TTC28: variants seen among roughly 807,000 people sequenced by gnomAD.
TTC28 encodes tetratricopeptide repeat protein 28.
Under a neutral mutation model 198.0 loss-of-function variants are expected in TTC28, and 61 were observed. That is an observed-to-expected ratio of 0.31 (90% confidence interval 0.25 to 0.38). The LOEUF (loss-of-function observed/expected upper bound fraction) is 0.38. TTC28 is among the 10% of genes least tolerant of loss of function. The pLI, the probability that TTC28 is intolerant of heterozygous loss-of-function variation, is 1.00. For synonymous variants in TTC28, 1,171 were observed against 1,297.8 expected, an observed-to-expected ratio of 0.90 and a Z score of 2.10; for missense variants, 2,678 against 3,164.0, an observed-to-expected ratio of 0.85 and a Z score of 3.69.
At position 28,371,598 on chromosome 22, in the gene TTC28, A is replaced by AT. The variant is rs1409625873; in HGVS notation, c.382-64956dup. Among the ~76,000 whole-genome samples, 4 of 27,764 alleles carry AT rather than the reference A, an allele frequency of 1.4e-4. 1 individual carries two copies. Among genetic ancestry groups the AT allele is most frequent in the African/African-American group, 5.7e-4 (4 of 6,978 alleles). 18.2% of individuals were successfully genotyped at this position (27,764 alleles called of 152,430 possible). Reference sequence around the variant, plus strand: ...ATCTTAACCAAAAAAAAAAAAAAAAATTTTTTTTTTTTTTGAGACAGAGTC... The same window carrying AT: ...ATCTTAACCAAAAAAAAAAAAAAAAATTTTTTTTTTTTTTTGAGACAGAGTC... On this transcript the variant is annotated intron_variant, in intron 2 of 22. Transcript: ENST00000397906.
chr22:28,075,293 A>G (rs1941131605), intron 12 of TTC28, among the ~76,000 whole-genome samples: 1 of 152,164 alleles, frequency 6.6e-6, no homozygotes, highest in African/African-American at 2.4e-5. Context: ...TAGAAATTCA[A>G]GAATCAGGGG....
chr22:28,096,669 C>T (rs1477511405), intron 10 of TTC28, among the ~76,000 whole-genome samples: 5 of 152,128 alleles, frequency 3.3e-5, no homozygotes, highest in Admixed American at 6.5e-5. Context: ...AGAGCTGATC[C>T]AATTCAGTGC....
intron 2 of TTC28, among the ~76,000 whole-genome samples, chr22:28,488,193 G>A (rs1301513191): frequency 1.3e-5 from 2 of 152,064 alleles, no homozygotes; most frequent in Non-Finnish European, 2.9e-5. Flanking sequence ...CAGACAGGAG[G>A]TTACTCAAGA....
chr22:28,392,490 G>T (rs2046744207), intron 2 of TTC28, among the ~76,000 whole-genome samples: 1 of 151,890 alleles, frequency 6.6e-6, no homozygotes, highest in Non-Finnish European at 1.5e-5. Context: ...TAGCAATCAG[G>T]GAGACTCCGT....
At chr22:28,358,395 A>G (rs2046109814) in intron 2 of TTC28, among the ~76,000 whole-genome samples, 1 of 152,242 alleles carries the variant, frequency 6.6e-6, no homozygotes, top group Admixed American at 6.5e-5. Flanking sequence ...TCGAGGTAGA[A>G]AAGCCATAAT....
intron 12 of TTC28, among the ~76,000 whole-genome samples, chr22:28,045,019 G>T (rs1939807964): frequency 6.6e-6 from 1 of 152,098 alleles, no homozygotes; most frequent in Non-Finnish European, 1.5e-5. Flanking sequence ...CGATTGGAAG[G>T]CCCCATTACT....
intron 12 of TTC28, among the ~76,000 whole-genome samples, chr22:28,040,817 G>GA (rs1442698272): frequency 6.6e-6 from 1 of 152,206 alleles, no homozygotes; most frequent in Non-Finnish European, 1.5e-5. Flanking sequence ...CAGATGACAT[G>GA]ATTGTATATT....
At chr22:28,376,450 T>C (rs968742251) in intron 2 of TTC28, among the ~76,000 whole-genome samples, 11 of 152,178 alleles carry the variant, frequency 7.2e-5, no homozygotes, top group African/African-American at 2.4e-4. Context: ...TTAAATAACT[T>C]ACTTAAATTC....
intron 2 of TTC28, among the ~76,000 whole-genome samples, chr22:28,584,776 T>C (rs1240802440): frequency 6.6e-6 from 1 of 152,256 alleles, no homozygotes; most frequent in Non-Finnish European, 1.5e-5. Context: ...ACTTATATTT[T>C]AGAAACCTGT....
In TTC28 at chr22:28,087,166, C is replaced by T. The variant is rs546911849; in HGVS notation, c.3932+6914G>A. On this transcript the variant is annotated intron_variant, in intron 12 of 22. Coordinates refer to ENST00000397906, the MANE Select transcript of TTC28 (RefSeq NM_001145418.2). Reference sequence around the variant, plus strand: ...ATCCTCCCTAACTCATTTTATGAGGCCAGCATCATCCTGATACCAAAGCCG... The same window carrying T: ...ATCCTCCCTAACTCATTTTATGAGGTCAGCATCATCCTGATACCAAAGCCG... 5.7e-3 allele frequency among the ~76,000 whole-genome samples: 866 copies of T among 152,202 alleles called. 12 individuals are homozygous for T. The highest frequency in any genetic ancestry group is 0.02 in the African/African-American group (835 of 41,554).
chr22:28,212,259 C>T (rs563472900), intron 5 of TTC28, among the ~76,000 whole-genome samples: 5 of 151,818 alleles, frequency 3.3e-5, no homozygotes, highest in African/African-American at 1.2e-4. Flanking sequence ...TAACAGAAGG[C>T]AAGAAATAAC....
At position 27,982,720 on chromosome 22, in the gene TTC28, GC is replaced by G; in HGVS notation, c.6946del (p.Ala2316LeufsTer27). The G allele has an allele frequency of 6.4e-7, 1 of 1,551,666 alleles. No individual in the cohort carries two copies. The highest frequency in any genetic ancestry group is 8.7e-7 in the Non-Finnish European group (1 of 1,146,952). ...GAGAGCTGGGGAGGGTGCACTGCCA[GC>G]AGGAGACTGGTGGCCGGAGCTTGGG... ...MSPSSGHQSP[A>X]GSAPSPALSY... On this transcript the variant is annotated frameshift_variant, in exon 23 of 23. Transcript: ENST00000397906. LOFTEE classifies it high-confidence loss of function. This position sits in a 1 kb window ranked among gnomAD's most constrained non-coding sequence, Gnocchi z 5.2.
At chr22:28,276,219 C>T (rs922454675) in intron 5 of TTC28, among the ~76,000 whole-genome samples, 2 of 151,944 alleles carry the variant, frequency 1.3e-5, no homozygotes, top group Non-Finnish European at 2.9e-5. Context: ...CGCCATGTTG[C>T]CCAGGCTGCT....
chr22:28,171,231 T>A (rs1922642981), intron 5 of TTC28, among the ~76,000 whole-genome samples: 1 of 152,172 alleles, frequency 6.6e-6, no homozygotes, highest in Non-Finnish European at 1.5e-5. Flanking sequence ...CTTCTTTTTA[T>A]CCTAAAAGTT....
intron 2 of TTC28, among the ~76,000 whole-genome samples, chr22:28,598,891 AT>A (rs1331823092): frequency 6.6e-6 from 1 of 152,236 alleles, no homozygotes; most frequent in Non-Finnish European, 1.5e-5. Context: ...GTTATTCATG[AT>A]ACAGAGCAGC....
intron 16 of TTC28, 65 bp downstream of exon 16, chr22:27,998,475 G>C: frequency 1.3e-6 from 2 of 1,490,952 alleles, no homozygotes; most frequent in South Asian, 1.4e-5. Context: ...GCAGAATAAA[G>C]TCGGGGGGCT....
chr22:28,581,687 G>T (rs2050235870), intron 2 of TTC28, among the ~76,000 whole-genome samples: 1 of 152,192 alleles, frequency 6.6e-6, no homozygotes, highest in Non-Finnish European at 1.5e-5. Flanking sequence ...AGGCCAAGAT[G>T]GGAAGATTGC....
chr22:28,299,648 T>C (rs2145789814), intron 3 of TTC28, among the ~76,000 whole-genome samples: 1 of 152,308 alleles, frequency 6.6e-6, no homozygotes, highest in African/African-American at 2.4e-5. Flanking sequence ...TGGTAGTCAA[T>C]GTTGATCACA....
intron 5 of TTC28, among the ~76,000 whole-genome samples, chr22:28,281,512 T>C (rs1012557847): frequency 2.6e-5 from 4 of 152,230 alleles, no homozygotes; most frequent in South Asian, 4.1e-4. Flanking sequence ...TATTTGGACA[T>C]AGTTACAGTA....
Sources: allele counts gnomAD v4.1 joint callset (sites outside exome capture counted in the v4.1 genomes callset), GRCh38; gene constraint gnomAD v4.1.1; non-coding constraint Gnocchi (gnomAD v3.1); transcripts MANE v1.5; gene names NCBI Gene and HGNC (gene_info 2026-07-23, HGNC 2026-07-21).